Variants in MYO5B observed in about 807,000 individuals in gnomAD.
The protein encoded by MYO5B is myosin VB, also known as unconventional myosin-Vb.
In MYO5B, 143 loss-of-function variants were observed where a neutral mutation model predicts 229.3. That is an observed-to-expected ratio of 0.62 (90% CI 0.54 to 0.72). The LOEUF is 0.72. Among genes scored for constraint, MYO5B ranks in the 30% least tolerant of loss-of-function variants. MYO5B has a pLI of 0.00. For synonymous variants in MYO5B, 918 were observed against 885.2 expected (o/e 1.04, Z -0.66); for missense variants, 2,321 against 2,331.0 (o/e 1.00, Z 0.09).
chr18:50,084,543 G>A (rs1161322061), intron 1 of MYO5B, among the ~76,000 whole-genome samples: 1 of 152,118 alleles, frequency 6.6e-6, no homozygotes, highest in African/African-American at 2.4e-5. Flanking sequence ...GCCAAATCTC[G>A]ACATTTGCTC....
chr18:50,080,438 C>T (rs1442954260), intron 1 of MYO5B, among the ~76,000 whole-genome samples: 1 of 152,158 alleles, frequency 6.6e-6, no homozygotes, highest in African/African-American at 2.4e-5. Context: ...TCCCTGCATC[C>T]TTTCAATGCT....
intron 4 of MYO5B, among the ~76,000 whole-genome samples, chr18:50,035,213 A>T (rs542145433): frequency 5.2e-4 from 78 of 150,994 alleles, no homozygotes; most frequent in African/African-American, 1.8e-3. Flanking sequence ...TCAAGCCTAC[A>T]GGAGTCCACA....
rs200561090 is a variant in MYO5B, at chr18:49,908,810, T to C, written c.2203-2180A>G. Among the ~76,000 whole-genome samples, 12 of 152,334 alleles carry C rather than the reference T, an allele frequency of 7.9e-5. No individual in the cohort carries two copies. The East Asian group carries it at 1.2e-3, about 15-fold the overall frequency. Reference sequence around the variant, plus strand: ...AACCCTCACACTAACCCCTCCAGATTAGAGTACAAAGAATTCAGTATGTAT... The same window carrying C: ...AACCCTCACACTAACCCCTCCAGATCAGAGTACAAAGAATTCAGTATGTAT... On this transcript the variant is annotated intron_variant, in intron 18 of 39. Transcript: ENST00000285039.
intron 1 of MYO5B, among the ~76,000 whole-genome samples, chr18:50,150,166 TA>T (rs1394909490): frequency 7.4e-6 from 1 of 135,450 alleles, no homozygotes; most frequent in Non-Finnish European, 1.6e-5. Context: ...TGGCAATCAT[TA>T]AAAAGTCAGG....
At chr18:49,865,335 A>G (rs1012505260) in intron 27 of MYO5B, among the ~76,000 whole-genome samples, 2 of 152,192 alleles carry the variant, frequency 1.3e-5, no homozygotes, top group South Asian at 4.1e-4. Flanking sequence ...TGACTCCACC[A>G]TATATGTGGT....
At chr18:49,914,252 C>T (rs1482088301) in intron 17 of MYO5B, among the ~76,000 whole-genome samples, 2 of 152,190 alleles carry the variant, frequency 1.3e-5, no homozygotes, top group South Asian at 2.1e-4. Flanking sequence ...GGTTCCTGCA[C>T]CTGCCCTTCT....
chr18:50,156,974 C>T (rs2032688731), intron 1 of MYO5B, among the ~76,000 whole-genome samples: 1 of 152,210 alleles, frequency 6.6e-6, no homozygotes, highest in Non-Finnish European at 1.5e-5. Context: ...TAACTCTCTA[C>T]CTCAACACCC....
chr18:50,085,884 G>A (rs2031318458), intron 1 of MYO5B, among the ~76,000 whole-genome samples: 1 of 151,626 alleles, frequency 6.6e-6, no homozygotes, highest in Admixed American at 6.6e-5. Context: ...ATGGACACAG[G>A]AAGGGGAACA....
intron 1 of MYO5B, among the ~76,000 whole-genome samples, chr18:50,116,222 C>T (rs113281353): frequency 0.021 from 3,135 of 152,240 alleles, 94 homozygotes; most frequent in African/African-American, 0.071. Flanking sequence ...CATCCCCCTA[C>T]GTGTGGCGAT....
At chr18:49,906,110 T>A (rs1467002257) in intron 19 of MYO5B, among the ~76,000 whole-genome samples, 1 of 152,056 alleles carries the variant, frequency 6.6e-6, no homozygotes, top group Non-Finnish European at 1.5e-5. Flanking sequence ...AAGGAGTTAG[T>A]TTTTTACTTT....
intron 4 of MYO5B, among the ~76,000 whole-genome samples, chr18:50,009,773 G>A (rs1189948382): frequency 6.6e-6 from 1 of 152,216 alleles, no homozygotes; most frequent in East Asian, 1.9e-4. Flanking sequence ...AGAAGGGGCT[G>A]GGCCGGAATG....
At chr18:49,875,974 G>A (rs2024517746) in intron 25 of MYO5B, 147 bp from the exon 26 acceptor site, 1 of 937,338 alleles carries the variant, frequency 1.1e-6, no homozygotes. Flanking sequence ...CAAAGCCAAT[G>A]ACAACCAACT....
chr18:49,974,798 G>GACACACAGACACACACACAC (rs1460518712), intron 9 of MYO5B, among the ~76,000 whole-genome samples, 183 bp from the exon 10 acceptor site: 2 of 130,996 alleles, frequency 1.5e-5, no homozygotes, highest in African/African-American at 5.6e-5. Flanking sequence ...CACACACACA[G>GACACACAGACACACACACAC]ACACACACAC....
intron 1 of MYO5B, among the ~76,000 whole-genome samples, chr18:50,074,806 C>G (rs945028296): frequency 1.3e-5 from 2 of 152,068 alleles, no homozygotes; most frequent in Admixed American, 6.6e-5. Context: ...ATTGGAGACC[C>G]ATGGTTTTTT....
chr18:50,083,041 G>A (rs1293266598), intron 1 of MYO5B, among the ~76,000 whole-genome samples: 2 of 152,204 alleles, frequency 1.3e-5, no homozygotes, highest in Admixed American at 6.5e-5. Context: ...GAGTTCCCAT[G>A]ACCCTTTTCT....
At chr18:50,123,572 T>C (rs1018992600) in intron 1 of MYO5B, among the ~76,000 whole-genome samples, 3 of 151,734 alleles carry the variant, frequency 2.0e-5, no homozygotes, top group Admixed American at 6.6e-5. Flanking sequence ...GCAAAAAATA[T>C]AAATAAAAAT....
At chr18:50,163,008 A>C (rs2032792664) in intron 1 of MYO5B, among the ~76,000 whole-genome samples, 1 of 152,212 alleles carries the variant, frequency 6.6e-6, no homozygotes, top group African/African-American at 2.4e-5. Flanking sequence ...TTTACATTTC[A>C]ATGATTTTTG....
At position 49,849,267 on chromosome 18, in the gene MYO5B, C is replaced by G. The variant is rs115012343; in HGVS notation, c.4315+300G>C. 9.2e-3 allele frequency among the ~76,000 whole-genome samples: 1,405 copies of G among 152,274 alleles called. 39 individuals are homozygous for G. The South Asian group carries it at 0.12, about 13-fold the overall frequency. On this transcript the variant is annotated intron_variant, in intron 32 of 39. Coordinates refer to ENST00000285039, the MANE Select transcript of MYO5B (RefSeq NM_001080467.3). ...TCAATCTTGCCTCCCAACTTCAAGC[C>G]GTTTGAGGGCAGGGACCACCAGGTC...
intron 1 of MYO5B, among the ~76,000 whole-genome samples, chr18:50,174,065 G>C (rs374069512): frequency 6.6e-6 from 1 of 152,028 alleles, no homozygotes; most frequent in Non-Finnish European, 1.5e-5. Flanking sequence ...AGAACAAAAC[G>C]ACAGAAGGAG....
Sources: gnomAD v4.1 joint callset for allele counts (sites outside exome capture counted in the v4.1 genomes callset) on GRCh38, gnomAD v4.1.1 for gene constraint, MANE v1.5 for transcripts, NCBI Gene and HGNC (gene_info 2026-07-23, HGNC 2026-07-21) for gene names.